Variants in SLC16A1 observed in about 807,000 individuals in gnomAD.
SLC16A1 encodes monocarboxylate transporter 1.
In SLC16A1, 11 loss-of-function variants were observed where a neutral mutation model predicts 32.2. The observed-to-expected ratio is 0.34, with a 90% CI of 0.21 to 0.56. The LOEUF is 0.56. SLC16A1 is among the 20% of genes least tolerant of loss of function. SLC16A1 has a pLI of 0.87. For missense variants in SLC16A1, 435 were observed against 615.0 expected (o/e 0.71, Z 3.10); for synonymous variants, 231 against 226.8 (o/e 1.02, Z -0.17).
intron 1 of SLC16A1, among the ~76,000 whole-genome samples, chr1:112,949,948 G>C (rs1266394012): frequency 6.6e-6 from 1 of 152,180 alleles, no homozygotes; most frequent in Non-Finnish European, 1.5e-5. Context: ...CCAGCAGTGG[G>C]TCTAATAATC....
At position 112,917,152 on chromosome 1, in the gene SLC16A1, C is replaced by T; in HGVS notation, c.1228+26G>A. 6.2e-7 allele frequency: 1 copy of T among 1,613,982 alleles called. No homozygotes were observed. On this transcript the variant is annotated intron_variant, in intron 4 of 4. Coordinates refer to ENST00000369626, the MANE Select transcript of SLC16A1 (RefSeq NM_003051.4). This position sits in a 1 kb window ranked among gnomAD's most constrained non-coding sequence, Gnocchi z 4.1. ...TTACATGCTTGTTTTGTAATAGACC[C>T]ACATTAGTAGGGAGATATACTATAC...
chr1:112,955,509 C>T (rs970748332), intron 1 of SLC16A1: 1 of 152,332 alleles, frequency 6.6e-6, no homozygotes, highest in Non-Finnish European at 1.5e-5. Context: ...GAATGCGGCT[C>T]TCCGCACCAC....
rs185659625 is a variant in SLC16A1 at position 112,915,363 on chromosome 1, A to G, written c.1229-1198T>C. The stretch of plus-strand genomic sequence containing the variant: ...GCAGAGAACTGTAGTGCAAAGGCGC[A>G]ATGGTAGGAGAGAGCATGGTGTGTG... On this transcript the variant is annotated intron_variant, in intron 4 of 4. Transcript: ENST00000369626. Among the ~76,000 whole-genome samples the G allele has an allele frequency of 1.2e-4, 18 of 152,274 alleles. No individual in the cohort carries two copies. In the East Asian group the frequency reaches 3.5e-3, roughly 29 times the overall value.
At chr1:112,923,003 C>A (rs546428183) in intron 2 of SLC16A1, among the ~76,000 whole-genome samples, 57 of 152,094 alleles carry the variant, frequency 3.7e-4, no homozygotes, top group African/African-American at 1.3e-3. Flanking sequence ...CTCCGCCTCC[C>A]GGGTTCATGC....
chr1:112,916,300 G>A (rs1435828378), intron 4 of SLC16A1, among the ~76,000 whole-genome samples: 1 of 151,120 alleles, frequency 6.6e-6, no homozygotes, highest in Non-Finnish European at 1.5e-5. Context: ...AGGAGTTCAA[G>A]ACGAGCCTGG....
At chr1:112,930,724 GTT>G (rs536201953) in intron 1 of SLC16A1, among the ~76,000 whole-genome samples, 107 of 135,184 alleles carry the variant, frequency 7.9e-4, no homozygotes, top group Middle Eastern at 8.1e-3. Flanking sequence ...AACATTTTAG[GTT>G]TTTTTTTTTT....
chr1:112,923,034 C>G (rs1395670198), intron 2 of SLC16A1, among the ~76,000 whole-genome samples: 1 of 151,938 alleles, frequency 6.6e-6, no homozygotes, highest in Non-Finnish European at 1.5e-5. Context: ...CCTCAGCCTC[C>G]TGAAAGACAG....
intron 1 of SLC16A1, among the ~76,000 whole-genome samples, chr1:112,932,423 C>A (rs1423899426): frequency 6.6e-6 from 1 of 151,982 alleles, no homozygotes; most frequent in Non-Finnish European, 1.5e-5. Context: ...GTCCTAGCTA[C>A]TTGGGAAGCT....
At position 112,932,356 on chromosome 1, in the gene SLC16A1, G is replaced by A. The variant is rs111792247; in HGVS notation, c.-44-3004C>T. 6.7e-3 allele frequency among the ~76,000 whole-genome samples: 1,021 copies of A among 152,194 alleles called. 12 individuals are homozygous for A. The highest frequency in any genetic ancestry group is 0.023 in the African/African-American group (972 of 41,500). On this transcript the variant is annotated intron_variant, in intron 1 of 4. Transcript: ENST00000369626. ...TCAAGAACAGCCTGGACAACACAGC[G>A]AGACCCTACCTCTACATAAATTGTT... is the stretch of plus-strand genomic sequence containing the variant.
chr1:112,932,803 A>AC (rs1327260310), intron 1 of SLC16A1, among the ~76,000 whole-genome samples: 1 of 151,298 alleles, frequency 6.6e-6, no homozygotes, highest in East Asian at 1.9e-4. Context: ...CAAAAAAAAA[A>AC]AAAAAAAAAG....
intron 1 of SLC16A1, among the ~76,000 whole-genome samples, chr1:112,945,455 A>G (rs1362424757): frequency 1.3e-5 from 2 of 151,370 alleles, no homozygotes; most frequent in African/African-American, 4.9e-5. Context: ...CGGGTGGATC[A>G]CCTGAGGTCA....
At chr1:112,955,825 G>C (rs1369254654) in intron 1 of SLC16A1, 1 of 152,112 alleles carries the variant, frequency 6.6e-6, no homozygotes, top group Non-Finnish European at 1.5e-5. Flanking sequence ...TCGGCTAAGA[G>C]AGGCGCTGAC....
chr1:112,922,251 ATT>A (rs1040510024), intron 2 of SLC16A1, 118 bp from the exon 3 acceptor site: 19 of 934,192 alleles, frequency 2.0e-5, no homozygotes, highest in African/African-American at 3.3e-5. Flanking sequence ...TGATAAGAAT[ATT>A]GTTTTCTATA....
At position 112,914,177 on chromosome 1, in the gene SLC16A1, AAAC is replaced by A. The variant is rs1557842850; in HGVS notation, c.1229-15_1229-13del. 1.2e-5 allele frequency: 19 copies of A among 1,614,100 alleles called. No individual in the cohort carries two copies. Among genetic ancestry groups the A allele is most frequent in the Non-Finnish European group, 1.3e-5 (15 of 1,179,988 alleles). On this transcript the variant is annotated splice_polypyrimidine_tract_variant and intron_variant, in intron 4 of 4. Transcript: ENST00000369626. ...GTCATTGAGCCGACCTAAATATGTA[AAAC>A]AACACAAACAGTTGTTTCTAAGAGT...
chr1:112,919,821 TAA>T (rs1375746439), intron 3 of SLC16A1, among the ~76,000 whole-genome samples: 1 of 152,196 alleles, frequency 6.6e-6, no homozygotes, highest in African/African-American at 2.4e-5. Context: ...GGTCTCTACT[TAA>T]AGTTGATTCT....
chr1:112,945,997 C>G (rs1649693514), intron 1 of SLC16A1, among the ~76,000 whole-genome samples: 1 of 151,956 alleles, frequency 6.6e-6, no homozygotes, highest in South Asian at 2.1e-4. Flanking sequence ...GTCTCAAAAA[C>G]AAAACAAAAA....
chr1:112,934,397 T>C (rs1649230179), intron 1 of SLC16A1, among the ~76,000 whole-genome samples: 3 of 152,152 alleles, frequency 2.0e-5, no homozygotes, highest in Admixed American at 2.0e-4. Flanking sequence ...TACCAGGGGT[T>C]GGGGAGAGGA....
At chr1:112,943,969 T>G (rs1011322551) in intron 1 of SLC16A1, among the ~76,000 whole-genome samples, 1 of 152,078 alleles carries the variant, frequency 6.6e-6, no homozygotes, top group Admixed American at 6.6e-5. Context: ...ACATAATCCC[T>G]GCCTTCATGG....
At chr1:112,932,117 C>T (rs1301245262) in intron 1 of SLC16A1, among the ~76,000 whole-genome samples, 1 of 152,168 alleles carries the variant, frequency 6.6e-6, no homozygotes, top group Non-Finnish European at 1.5e-5. Context: ...GAAAATAGCT[C>T]CATACAAGAA....
Sources: allele counts gnomAD v4.1 joint callset (sites outside exome capture counted in the v4.1 genomes callset), GRCh38; gene constraint gnomAD v4.1.1; non-coding constraint Gnocchi (gnomAD v3.1); transcripts MANE v1.5; gene names NCBI Gene and HGNC (gene_info 2026-07-23, HGNC 2026-07-21).